C5orf63: variants seen among roughly 807,000 people sequenced by gnomAD.
The protein encoded by C5orf63 is glutaredoxin-like protein C5orf63.
A neutral mutation model predicts 13.3 loss-of-function variants in C5orf63; 18 were observed. The observed-to-expected ratio is 1.36, with a 90% CI of 0.94 to 2.01. The LOEUF (loss-of-function observed/expected upper bound fraction) is 2.01, where lower values mean the gene tolerates loss of function less well. Among genes scored for constraint, C5orf63 ranks in the 30% most tolerant of loss-of-function variants. The pLI, the probability that C5orf63 is intolerant of heterozygous loss-of-function variation, is 0.00. For synonymous variants in C5orf63, 38 were observed against 44.7 expected (o/e 0.85, Z 0.60); for missense variants, 118 against 127.7 (o/e 0.92, Z 0.36).
In C5orf63 at chr5:127,051,862, A is replaced by G. The variant is rs759166670; in HGVS notation, c.257T>C (p.Leu86Ser). The G allele has an allele frequency of 6.5e-7, 1 of 1,536,036 alleles. No homozygotes were observed. Among genetic ancestry groups the G allele is most frequent in the South Asian group, 1.2e-5 (1 of 83,762 alleles). ...RYKFDIPVFH[L>S]NGQFLMMHRV... ...ATGCATCATCAGAAACTGGCCATTC[A>G]AGTGAAAGACAGGAATATCAAATTT... The change falls in exon 5 of 5, where the codon TTG becomes TCG. Residue 86 changes from leucine to serine, a missense_variant. By Grantham distance (145) the Leu-to-Ser change is moderately radical. Coordinates refer to ENST00000296662, the MANE Select transcript of C5orf63 (RefSeq NM_001164478.2).
At chr5:127,060,180 A>C (rs1754046387) in intron 2 of C5orf63, among the ~76,000 whole-genome samples, 1 of 152,128 alleles carries the variant, frequency 6.6e-6, no homozygotes, top group African/African-American at 2.4e-5. Flanking sequence ...AAGCTTACTT[A>C]CAGGAACTAT....
intron 2 of C5orf63, 76 bp downstream of exon 2, chr5:127,071,508 C>G (rs1024123051): frequency 3.3e-5 from 5 of 152,124 alleles, no homozygotes; most frequent in African/African-American, 1.2e-4. Context: ...ATGATTTTGT[C>G]CCTAGAATTT....
At chr5:127,047,827 C>A, downstream of C5orf63, 1 of 703,776 alleles carries the variant, frequency 1.4e-6, no homozygotes, top group East Asian at 2.7e-5. Context: ...GTATCTTTTC[C>A]CCGACTGAGA....
rs1335348598 is a variant in C5orf63, at chr5:127,069,724, T to G, written c.-8+1860A>C. 2.0e-5 allele frequency among the ~76,000 whole-genome samples: 3 copies of G among 152,336 alleles called. No individual in the cohort carries two copies. The East Asian group carries it at 5.8e-4, about 29-fold the overall frequency. ...CATCCACTCTTGCTTGACATTAGGC[T>G]GTGGCATCCCTCAGTTATGTGGGAT... is the stretch of plus-strand genomic sequence containing the variant. On this transcript the variant is annotated intron_variant, in intron 2 of 4. Transcript: ENST00000296662.
chr5:127,066,945 A>G (rs1432458187), intron 2 of C5orf63, among the ~76,000 whole-genome samples: 1 of 152,186 alleles, frequency 6.6e-6, no homozygotes, highest in Non-Finnish European at 1.5e-5. Flanking sequence ...GAATGACAGA[A>G]TTGTCCATTG....
At chr5:127,058,376 A>G (rs535755144) in intron 3 of C5orf63, among the ~76,000 whole-genome samples, 2 of 152,312 alleles carry the variant, frequency 1.3e-5, no homozygotes, top group South Asian at 2.1e-4. Flanking sequence ...TATTTCATCT[A>G]TTTTATGGCT....
At chr5:127,070,228 C>T (rs567286801) in intron 2 of C5orf63, among the ~76,000 whole-genome samples, 26 of 152,226 alleles carry the variant, frequency 1.7e-4, no homozygotes, top group Non-Finnish European at 3.1e-4. Flanking sequence ...GCTGAATTTA[C>T]TGAGTTTTCT....
chr5:127,062,481 G>A (rs536187103), intron 2 of C5orf63, among the ~76,000 whole-genome samples: 3 of 152,112 alleles, frequency 2.0e-5, no homozygotes, highest in African/African-American at 7.2e-5. Context: ...AATTATATTA[G>A]AGCCTGATAG....
downstream of C5orf63, among the ~76,000 whole-genome samples, chr5:127,050,324 G>A (rs997524351): frequency 6.6e-6 from 1 of 151,978 alleles, no homozygotes; most frequent in Admixed American, 6.6e-5. Flanking sequence ...CTATTCAATT[G>A]CTAAGATTTT....
chr5:127,053,024 A>G (rs1753742631), intron 3 of C5orf63, among the ~76,000 whole-genome samples: 1 of 152,176 alleles, frequency 6.6e-6, no homozygotes, highest in African/African-American at 2.4e-5. Context: ...GGCCTCATAC[A>G]GTTGGCCTGG....
chr5:127,071,735 CA>C (rs557633950), intron 1 of C5orf63, 50 bp from the exon 2 acceptor site: 2 of 152,310 alleles, frequency 1.3e-5, no homozygotes, highest in East Asian at 1.9e-4. Flanking sequence ...AACATAAAAA[CA>C]CCTCGCTACT....
chr5:127,070,506 CA>C (rs1360419316), intron 2 of C5orf63, among the ~76,000 whole-genome samples: 11 of 152,312 alleles, frequency 7.2e-5, no homozygotes, highest in African/African-American at 2.4e-4. Context: ...TATTACAACA[CA>C]AAAAGCTGTC....
intron 3 of C5orf63, among the ~76,000 whole-genome samples, chr5:127,057,618 A>G (rs908550694): frequency 6.6e-6 from 1 of 152,340 alleles, no homozygotes; most frequent in African/African-American, 2.4e-5. Flanking sequence ...GCAACCCCCA[A>G]GTCAATACTT....
intron 2 of C5orf63, among the ~76,000 whole-genome samples, chr5:127,070,817 T>C (rs147164399): frequency 2.0e-5 from 3 of 152,284 alleles, no homozygotes; most frequent in Middle Eastern, 3.4e-3. Flanking sequence ...AGCTTTTAGC[T>C]TGCATATTCT....
At chr5:127,052,322 A>G (rs1753708473) in intron 4 of C5orf63, 1 of 340,954 alleles carries the variant, frequency 2.9e-6, no homozygotes, top group East Asian at 4.5e-5. Flanking sequence ...ACTGCAAAAC[A>G]AGATAAAAGG....
intron 3 of C5orf63, among the ~76,000 whole-genome samples, chr5:127,057,456 T>C (rs1042941494): frequency 6.6e-6 from 1 of 152,256 alleles, no homozygotes; most frequent in Non-Finnish European, 1.5e-5. Flanking sequence ...GTAATGTCTG[T>C]ATTATAATTT....
intron 2 of C5orf63, among the ~76,000 whole-genome samples, chr5:127,071,228 G>C (rs1220670126): frequency 6.6e-6 from 1 of 152,164 alleles, no homozygotes; most frequent in Non-Finnish European, 1.5e-5. Context: ...AGTGATGAAG[G>C]CTACAACAGT....
At chr5:127,052,198 A>G (rs917352890) in intron 4 of C5orf63, among the ~76,000 whole-genome samples, 2 of 152,206 alleles carry the variant, frequency 1.3e-5, no homozygotes, top group African/African-American at 2.4e-5. Context: ...CTCAGTTCCA[A>G]TGAAATAAAA....
At chr5:127,058,660 T>C (rs1037112965) in intron 3 of C5orf63, 10 of 469,502 alleles carry the variant, frequency 2.1e-5, no homozygotes, top group African/African-American at 2.0e-4. Context: ...TTTTTTTCAA[T>C]GTAGGGGCCA....
Sources: allele counts gnomAD v4.1 joint callset (sites outside exome capture counted in the v4.1 genomes callset), GRCh38; gene constraint gnomAD v4.1.1; transcripts MANE v1.5; gene names NCBI Gene and HGNC (gene_info 2026-07-23, HGNC 2026-07-21).